The following RNASE4 variants were observed in gnomAD, a reference collection of about 807,000 sequenced individuals.
RNASE4 encodes ribonuclease A family member 4, also known as ribonuclease 4.
For synonymous variants in RNASE4, 93 were observed against 71.4 expected (o/e 1.30, Z -1.52); for missense variants, 194 against 192.8 (o/e 1.01, Z -0.04).
intron 1 of RNASE4, among the ~76,000 whole-genome samples, chr14:20,691,664 C>G (rs74809902): frequency 0.016 from 2,394 of 152,274 alleles, 57 homozygotes; most frequent in African/African-American, 0.055. Context: ...AATGTCGGTG[C>G]GGACAAATTT....
chr14:20,699,187 T>C lies in RNASE4; in HGVS notation c.-17-168T>C. On this transcript the variant is annotated intron_variant, in intron 1 of 1. Coordinates refer to ENST00000555835, the MANE Select transcript of RNASE4 (RefSeq NM_002937.5). ...GATCATGTTTGCAAACTACTCACTC[T>C]TGAGGAAGAAGGGTGGGAAAAGTAG... 5 of 604,892 alleles carry C rather than the reference T, an allele frequency of 8.3e-6. No individual in the cohort carries two copies. In the South Asian group the frequency reaches 1.1e-4, roughly 14 times the overall value. The allele number at this position is 604,892 out of a possible 1,614,324, so 37.5% of individuals were successfully genotyped here. A position where few individuals can be genotyped will look rare whatever the true frequency, so the allele number is the denominator to read the frequency against.
intron 1 of RNASE4, among the ~76,000 whole-genome samples, chr14:20,695,996 C>G (rs1231710518): frequency 6.6e-6 from 1 of 152,208 alleles, no homozygotes; most frequent in East Asian, 1.9e-4. Flanking sequence ...ATGAGAAAGT[C>G]CCAGTTTCTG....
intron 1 of RNASE4, among the ~76,000 whole-genome samples, chr14:20,692,938 C>G (rs933360826): frequency 6.6e-6 from 1 of 152,144 alleles, no homozygotes; most frequent in African/African-American, 2.4e-5. Context: ...AGCTCCGCCT[C>G]CCGGGTTCAC....
At position 20,684,716 on chromosome 14, in the gene RNASE4, T is replaced by C. The variant is rs1035590445; in HGVS notation, c.-60T>C. 1.3e-5 allele frequency: 2 copies of C among 152,332 alleles called. No homozygotes were observed. The highest frequency in any genetic ancestry group is 1.3e-4 in the Admixed American group (2 of 15,286). The allele number at this position is 152,332 out of a possible 1,614,324, so 9.4% of individuals were successfully genotyped here. A position where few individuals can be genotyped will look rare whatever the true frequency, so the allele number is the denominator to read the frequency against. On this transcript the variant is annotated 5_prime_UTR_variant, in exon 1 of 2. Coordinates refer to ENST00000555835, the MANE Select transcript of RNASE4 (RefSeq NM_002937.5). ...AAGCGGGTGAGAAACAAAACTTCTTTCCATTGTCCTGCCCGTTTCTGCGGA... is the reference window on the plus strand; with the variant it reads ...AAGCGGGTGAGAAACAAAACTTCTTCCCATTGTCCTGCCCGTTTCTGCGGA...
At chr14:20,698,280 A>G (rs959227383) in intron 1 of RNASE4, among the ~76,000 whole-genome samples, 5 of 152,288 alleles carry the variant, frequency 3.3e-5, no homozygotes, top group African/African-American at 1.2e-4. Context: ...AGCTACCAAC[A>G]ACTATTGACA....
chr14:20,700,223 A>G lies in RNASE4; in HGVS notation c.*408A>G, dbSNP rs766297926. The G allele has an allele frequency of 1.7e-5, 3 of 172,026 alleles. No homozygotes were observed. Among genetic ancestry groups the G allele is most frequent in the Non-Finnish European group, 4.2e-5 (3 of 71,212 alleles). 10.7% of individuals were successfully genotyped at this position (172,026 alleles called of 1,614,324 possible). Reference sequence around the variant, plus strand: ...AGTTAAGGGATTTGCTGAAGACTGTAAAGTTAATGGAAGAATTGAGACAAA... The same window carrying G: ...AGTTAAGGGATTTGCTGAAGACTGTGAAGTTAATGGAAGAATTGAGACAAA... On this transcript the variant is annotated 3_prime_UTR_variant, in exon 2 of 2. Transcript: ENST00000555835.
At chr14:20,689,415 G>T (rs1296026120) in intron 1 of RNASE4, among the ~76,000 whole-genome samples, 1 of 152,152 alleles carries the variant, frequency 6.6e-6, no homozygotes, top group African/African-American at 2.4e-5. Context: ...TTACTTTGGG[G>T]GATTTTGCCC....
At chr14:20,692,991 G>T (rs1886860590) in intron 1 of RNASE4, among the ~76,000 whole-genome samples, 2 of 151,400 alleles carry the variant, frequency 1.3e-5, no homozygotes, top group Middle Eastern at 3.4e-3. Context: ...GGGACTACAG[G>T]CGCCCGCCAC....
chr14:20,693,620 C>T, intron 1 of RNASE4: 2 of 1,614,002 alleles, frequency 1.2e-6, no homozygotes, highest in South Asian at 1.1e-5. Flanking sequence ...CTGGGTCTGA[C>T]CCCACCGACC....
At position 20,700,041 on chromosome 14, in the gene RNASE4, T is replaced by G. The variant is rs534669211; in HGVS notation, c.*226T>G. ...TTCTGTAATAAGCTTCCTTTTATAA[T>G]ACTGGTCAGCTTAGCTCTCTCAGAT... On this transcript the variant is annotated 3_prime_UTR_variant, in exon 2 of 2. Transcript: ENST00000555835. The G allele has an allele frequency of 1.8e-6, 1 of 558,832 alleles. No homozygotes were observed. The highest frequency in any genetic ancestry group is 3.3e-6 in the Non-Finnish European group (1 of 305,384). The allele number at this position is 558,832 out of a possible 1,614,324, so 34.6% of individuals were successfully genotyped here.
chr14:20,693,046 A>G (rs541826945), intron 1 of RNASE4, among the ~76,000 whole-genome samples: 79 of 151,480 alleles, frequency 5.2e-4, no homozygotes, highest in African/African-American at 1.8e-3. Context: ...ACGGGGTTTC[A>G]CCGTGGTAGC....
chr14:20,689,874 C>T (rs928317335), intron 1 of RNASE4, among the ~76,000 whole-genome samples: 1 of 149,548 alleles, frequency 6.7e-6, no homozygotes, highest in African/African-American at 2.5e-5. Context: ...CAAGATAGCA[C>T]CACTGCGATC....
At chr14:20,695,437 T>C (rs1887058047) in intron 1 of RNASE4, among the ~76,000 whole-genome samples, 1 of 151,976 alleles carries the variant, frequency 6.6e-6, no homozygotes, top group Non-Finnish European at 1.5e-5. Flanking sequence ...TCCCAGTTTA[T>C]CCCTTATTCT....
intron 1 of RNASE4, among the ~76,000 whole-genome samples, chr14:20,696,972 G>A (rs575534495): frequency 1.6e-4 from 25 of 152,340 alleles, no homozygotes; most frequent in African/African-American, 3.8e-4. Context: ...GGGTGGTGCA[G>A]TGGAGAAAGC....
chr14:20,695,374 G>A (rs531300939), intron 1 of RNASE4, among the ~76,000 whole-genome samples: 5 of 143,248 alleles, frequency 3.5e-5, no homozygotes, highest in Non-Finnish European at 4.5e-5. Flanking sequence ...CAGCCTGGGC[G>A]ACAGAGCGAG....
At position 20,701,041 on chromosome 14, in the gene RNASE4, G is replaced by A. The variant is rs1240617710; in HGVS notation, c.*1226G>A. 1 of 152,068 alleles carries A rather than the reference G, an allele frequency of 6.6e-6. No individual in the cohort carries two copies. The highest frequency in any genetic ancestry group is 1.5e-5 in the Non-Finnish European group (1 of 68,026). 9.4% of individuals were successfully genotyped at this position (152,068 alleles called of 1,614,324 possible). A position where few individuals can be genotyped will look rare whatever the true frequency, so the allele number is the denominator to read the frequency against. ...AATTAGACTCAGGAGCTCCCCACCA[G>A]AGCACCTTGTGACCCCCGCCCCTGC... On this transcript the variant is annotated 3_prime_UTR_variant, in exon 2 of 2. Transcript: ENST00000555835.
At chr14:20,688,948 C>A in intron 1 of RNASE4, 1 of 761,606 alleles carries the variant, frequency 1.3e-6, no homozygotes, top group Non-Finnish European at 1.6e-6. Flanking sequence ...ATTTTCCTCC[C>A]TTTAAAGCCT....
At chr14:20,689,668 G>A (rs1181294723) in intron 1 of RNASE4, among the ~76,000 whole-genome samples, 4 of 152,148 alleles carry the variant, frequency 2.6e-5, no homozygotes, top group Admixed American at 6.5e-5. Flanking sequence ...TGTAATCCCC[G>A]CACTTTGGGA....
At chr14:20,692,890 A>G (rs190194733) in intron 1 of RNASE4, among the ~76,000 whole-genome samples, 4 of 151,872 alleles carry the variant, frequency 2.6e-5, no homozygotes, top group African/African-American at 9.7e-5. Context: ...CTCTGTCGCC[A>G]AGGCTGGAGT....
Sources: gnomAD v4.1 joint callset for allele counts (sites outside exome capture counted in the v4.1 genomes callset) on GRCh38, gnomAD v4.1.1 for gene constraint, MANE v1.5 for transcripts, NCBI Gene and HGNC (gene_info 2026-07-23, HGNC 2026-07-21) for gene names.